UST: variants seen among roughly 807,000 people sequenced by gnomAD.
UST encodes the protein chondroitin sulfate 2-O-sulfotransferase.
A neutral mutation model predicts 45.6 loss-of-function variants in UST; 21 were observed. The ratio of observed to expected loss-of-function variants is 0.46; its 90% CI spans 0.33 to 0.66. UST has a LOEUF of 0.66. Among genes scored for constraint, UST ranks in the 30% least tolerant of loss-of-function variants. The pLI, the probability that UST is intolerant of heterozygous loss-of-function variation, is 0.02. For synonymous variants in UST, 215 were observed against 200.6 expected (o/e 1.07, Z -0.61); for missense variants, 463 against 512.4 (o/e 0.90, Z 0.93).
chr6:148,841,044 G>GGA (rs1777877626), intron 1 of UST, among the ~76,000 whole-genome samples: 1 of 138,612 alleles, frequency 7.2e-6, no homozygotes, highest in Non-Finnish European at 1.6e-5. Flanking sequence ...ATTTTGAAAT[G>GGA]AAAAAAAAAA....
At chr6:149,063,443 A>G (rs567358118) in intron 7 of UST, among the ~76,000 whole-genome samples, 8 of 152,294 alleles carry the variant, frequency 5.3e-5, no homozygotes, top group African/African-American at 1.9e-4. Context: ...TTTTGCCAAA[A>G]AGTATTGATG....
At chr6:148,759,167 G>C (rs1454939927) in intron 1 of UST, among the ~76,000 whole-genome samples, 1 of 152,140 alleles carries the variant, frequency 6.6e-6, no homozygotes, top group Non-Finnish European at 1.5e-5. Flanking sequence ...TGTTTCCATA[G>C]GGTCTTGACT....
intron 1 of UST, among the ~76,000 whole-genome samples, chr6:148,792,729 A>T (rs944163796): frequency 6.6e-6 from 1 of 152,174 alleles, no homozygotes; most frequent in Non-Finnish European, 1.5e-5. Flanking sequence ...GACAAATTTA[A>T]TGTTTAACAC....
chr6:148,840,327 T>C (rs1035165535), intron 1 of UST, among the ~76,000 whole-genome samples: 4 of 152,162 alleles, frequency 2.6e-5, no homozygotes, highest in African/African-American at 9.7e-5. Flanking sequence ...CAAACCCTGT[T>C]TCAAAAGGAA....
chr6:148,793,373 G>T (rs1776887849), intron 1 of UST, among the ~76,000 whole-genome samples: 1 of 152,114 alleles, frequency 6.6e-6, no homozygotes, highest in South Asian at 2.1e-4. Context: ...TTCTCACAAA[G>T]TGAGTTCACC....
chr6:148,981,921 A>T (rs1407921028), intron 5 of UST, among the ~76,000 whole-genome samples: 2 of 152,108 alleles, frequency 1.3e-5, no homozygotes, highest in African/African-American at 4.8e-5. Context: ...AAAGAAAAGA[A>T]ATTTCTTTCT....
intron 5 of UST, among the ~76,000 whole-genome samples, chr6:148,980,399 A>G (rs1344700418): frequency 3.3e-5 from 5 of 152,098 alleles, no homozygotes; most frequent in African/African-American, 1.2e-4. Flanking sequence ...TGCTCTCCTC[A>G]AATTCCAGAC....
At chr6:148,922,743 G>A (rs1233172269) in intron 2 of UST, among the ~76,000 whole-genome samples, 2 of 151,154 alleles carry the variant, frequency 1.3e-5, no homozygotes, top group Non-Finnish European at 2.9e-5. Flanking sequence ...AAATTGCTGG[G>A]ATTACAGGCA....
Position 148,756,786 on chromosome 6 carries a change from C to T in UST, c.247+9109C>T, listed in dbSNP as rs539631074. Among the ~76,000 whole-genome samples the T allele has an allele frequency of 1.1e-4, 17 of 152,316 alleles. No individual in the cohort carries two copies. The South Asian group carries it at 3.3e-3, about 30-fold the overall frequency. The stretch of plus-strand genomic sequence containing the variant: ...CCTGCTCTGACATCTCTTCTGGGTG[C>T]TCCACACAGGCCCTCAGGAAGTGGC... On this transcript the variant is annotated intron_variant, in intron 1 of 7. Coordinates refer to ENST00000367463, the MANE Select transcript of UST (RefSeq NM_005715.3).
chr6:148,863,738 C>T (rs1337663602), intron 1 of UST, among the ~76,000 whole-genome samples: 1 of 151,902 alleles, frequency 6.6e-6, no homozygotes, highest in Non-Finnish European at 1.5e-5. Flanking sequence ...GGACCCTCAG[C>T]TGCAGGTCTG....
chr6:149,070,215 C>T (rs1221471124), intron 7 of UST, among the ~76,000 whole-genome samples: 1 of 152,146 alleles, frequency 6.6e-6, no homozygotes, highest in African/African-American at 2.4e-5. Flanking sequence ...TTTTCCTCTG[C>T]CTCTCAATGT....
intron 1 of UST, among the ~76,000 whole-genome samples, chr6:148,870,302 C>T (rs1778525598): frequency 6.6e-6 from 1 of 152,144 alleles, no homozygotes; most frequent in Non-Finnish European, 1.5e-5. Context: ...CCCTCCTGAC[C>T]CCTGGGGTTG....
intron 1 of UST, among the ~76,000 whole-genome samples, chr6:148,861,579 A>T (rs1052722712): frequency 2.6e-5 from 4 of 151,904 alleles, no homozygotes; most frequent in African/African-American, 9.7e-5. Context: ...AGTTCTTTTA[A>T]TTGTGATATT....
Position 148,893,754 on chromosome 6 carries a change from A to G in UST, c.291+6725A>G, listed in dbSNP as rs116534018. ...GCTAAGTGGGCTGCTGGATGCTATG[A>G]TGAGGATGCACACTCAACACAAGGA... On this transcript the variant is annotated intron_variant, in intron 2 of 7. Transcript: ENST00000367463. 6.5e-3 allele frequency among the ~76,000 whole-genome samples: 989 copies of G among 152,314 alleles called. 12 individuals carry two copies. Among genetic ancestry groups the G allele is most frequent in the African/African-American group, 0.023 (938 of 41,560 alleles).
intron 5 of UST, among the ~76,000 whole-genome samples, chr6:148,982,468 TA>T (rs1274066439): frequency 3.3e-5 from 5 of 152,134 alleles, no homozygotes; most frequent in Non-Finnish European, 7.4e-5. Context: ...CTTCACCTCT[TA>T]AAGGCCCACC....
chr6:149,043,033 C>CTT (rs1776346284), intron 7 of UST, among the ~76,000 whole-genome samples: 4 of 120,984 alleles, frequency 3.3e-5, no homozygotes, highest in African/African-American at 1.5e-4. Context: ...TTCTTTCTTT[C>CTT]TTTCTTTCTT....
At chr6:148,770,661 A>C (rs1297595597) in intron 1 of UST, among the ~76,000 whole-genome samples, 1 of 152,210 alleles carries the variant, frequency 6.6e-6, no homozygotes, top group African/African-American at 2.4e-5. Flanking sequence ...ATATTTGAAC[A>C]GTGCTTTACA....
intron 1 of UST, among the ~76,000 whole-genome samples, chr6:148,845,441 T>C (rs1777969280): frequency 6.6e-6 from 1 of 152,242 alleles, no homozygotes; most frequent in Non-Finnish European, 1.5e-5. Context: ...CAGTGGTTCA[T>C]TGATTTTTAT....
intron 1 of UST, among the ~76,000 whole-genome samples, chr6:148,772,958 CTT>C (rs1776460641): frequency 6.6e-6 from 1 of 152,066 alleles, no homozygotes; most frequent in African/African-American, 2.4e-5. Context: ...TTGCGAACCT[CTT>C]TTTCCAATTC....
Sources: gnomAD v4.1 joint callset for allele counts (sites outside exome capture counted in the v4.1 genomes callset) on GRCh38, gnomAD v4.1.1 for gene constraint, MANE v1.5 for transcripts, NCBI Gene and HGNC (gene_info 2026-07-23, HGNC 2026-07-21) for gene names.